The following SLC37A2 variants were observed in gnomAD, a reference collection of about 807,000 sequenced individuals.
The protein encoded by SLC37A2 is solute carrier family 37 member 2.
Under a neutral mutation model 70.7 loss-of-function variants are expected in SLC37A2, and 59 were observed. The observed-to-expected ratio is 0.83, with a 90% CI of 0.68 to 1.04. The LOEUF is 1.04. Among genes scored for constraint, SLC37A2 ranks in the 50% least tolerant of loss-of-function variants. SLC37A2 has a pLI of 0.00. For synonymous variants in SLC37A2, 257 were observed against 262.1 expected, an observed-to-expected ratio of 0.98 and a Z score of 0.19; for missense variants, 580 against 658.1, an observed-to-expected ratio of 0.88 and a Z score of 1.30.
At position 125,076,825 on chromosome 11, in the gene SLC37A2, T is replaced by A; in HGVS notation, c.128T>A (p.Ile43Asn). The A allele has an allele frequency of 6.2e-7, 1 of 1,614,106 alleles. No individual in the cohort carries two copies. Among genetic ancestry groups the A allele is most frequent in the Non-Finnish European group, 8.5e-7 (1 of 1,180,004 alleles). Residue 43 changes from isoleucine (I) to asparagine (N), a missense_variant, in exon 2 of 18, where the codon ATC becomes AAC. By Grantham distance (149) the Ile-to-Asn change is moderately radical (BLOSUM62 -3). Coordinates refer to ENST00000403796, the MANE Select transcript of SLC37A2 (RefSeq NM_001145290.2). ...TGCTATCACATGTCCAGGAAGCCTA[T>A]CAGTATCGTCAAGGTGAGGCTGGCT... ...YACYHMSRKP[I>N]SIVKSRLHQN...
rs778441260 is a variant in SLC37A2, at chr11:125,085,982, T to A, written c.1454T>A (p.Ile485Asn). ...CTTTGCCGGTTAGTATACAAAGAGA[T>A]CTTGGCCTGGAAGGTGTCCCTGAGC... ...LLLCRLVYKE[I>N]LAWKVSLSRG... is the part of the protein sequence containing the mutation. Residue 485 changes from isoleucine to asparagine, a missense_variant, in exon 17 of 18, where the codon ATC (isoleucine) becomes AAC (asparagine). Ile to Asn is a moderately radical substitution (Grantham distance 149). Transcript: ENST00000403796. 1 of 1,614,154 alleles carries A rather than the reference T, an allele frequency of 6.2e-7. No individual in the cohort carries two copies. The highest frequency in any genetic ancestry group is 1.3e-5 in the African/African-American group (1 of 75,040).
chr11:125,072,904 C>A (rs185186638), intron 1 of SLC37A2, among the ~76,000 whole-genome samples: 1 of 152,328 alleles, frequency 6.6e-6, no homozygotes, highest in East Asian at 1.9e-4. Context: ...ATCCCTCCAT[C>A]CCTCTGGAGG....
At chr11:125,082,175 C>G in intron 9 of SLC37A2, 69 bp from the exon 10 acceptor site, 3 of 1,477,250 alleles carry the variant, frequency 2.0e-6, no homozygotes, top group Non-Finnish European at 2.8e-6. Context: ...TGCTGAGCAC[C>G]CCTTGGGGCC....
At chr11:125,085,542 C>A in intron 15 of SLC37A2, 35 bp from the exon 16 acceptor site, 1 of 1,613,290 alleles carries the variant, frequency 6.2e-7, no homozygotes. Context: ...AGGGGAGGTG[C>A]AGGACCCCTG....
chr11:125,081,299 C>G, intron 7 of SLC37A2, 122 bp from the exon 8 acceptor site: 1 of 942,344 alleles, frequency 1.1e-6, no homozygotes, highest in Admixed American at 2.4e-5. Flanking sequence ...ACCTTAGGAG[C>G]TGGAGGCGGG....
At chr11:125,078,732 A>G (rs4477450) in intron 4 of SLC37A2, among the ~76,000 whole-genome samples, 103,443 of 151,846 alleles carry the variant, frequency 0.68, 36,484 homozygotes, top group African/African-American at 0.86. Flanking sequence ...AAAGATGTCC[A>G]GGAGGCACCT....
intron 1 of SLC37A2, among the ~76,000 whole-genome samples, chr11:125,067,322 C>A (rs1011480685): frequency 1.3e-5 from 2 of 152,044 alleles, no homozygotes; most frequent in African/African-American, 2.4e-5. Flanking sequence ...TAATTGAAAT[C>A]GTGACTAGTA....
Position 125,083,733 on chromosome 11 carries a change from G to A in SLC37A2, c.977-82G>A, listed in dbSNP as rs555380947. On this transcript the variant is annotated intron_variant, in intron 10 of 17. Transcript: ENST00000403796. This position sits in a 1 kb window ranked among gnomAD's most constrained non-coding sequence, Gnocchi z 4.6. ...AAAAGGGGGCAGTGGTCTGGATCACGCTCTGCAGGGCTTCTAGCTGTGACA... is the reference window on the plus strand; with the variant it reads ...AAAAGGGGGCAGTGGTCTGGATCACACTCTGCAGGGCTTCTAGCTGTGACA... The A allele has an allele frequency of 3.2e-5, 41 of 1,266,340 alleles. No homozygotes were observed. Among genetic ancestry groups the A allele is most frequent in the African/African-American group, 1.8e-4 (12 of 68,210 alleles). The allele number at this position is 1,266,340 out of a possible 1,614,324, so 78.4% of individuals were successfully genotyped here.
rs796316313 is a variant in SLC37A2 at position 125,084,291 on chromosome 11, G to A, written c.1097G>A (p.Cys366Tyr). ...ACCAATGGCAGGGCCACCACTTGCT[G>A]TGTCATGCTCATCTTGGCTGCCCCC... ...DYTNGRATTC[C>Y]VMLILAAPMM... is the part of the protein sequence containing the mutation. The change falls in exon 12 of 18, where the codon TGT becomes TAT. Residue 366 changes from cysteine to tyrosine, a missense_variant. Transcript: ENST00000403796. 1.9e-6 allele frequency: 3 copies of A among 1,614,266 alleles called. No homozygotes were observed. Among genetic ancestry groups the A allele is most frequent in the Non-Finnish European group, 2.5e-6 (3 of 1,180,054 alleles).
rs746817405 is a variant in SLC37A2, at chr11:125,077,554, C to G, written c.314+26C>G. ...GTAAGGACAGAGGCTGAGCCTATGA[C>G]CAAGAGGAGGATGGTTTAGAGCTGC... On this transcript the variant is annotated intron_variant, in intron 4 of 17. Coordinates refer to ENST00000403796, the MANE Select transcript of SLC37A2 (RefSeq NM_001145290.2). 66 of 1,587,956 alleles carry G rather than the reference C, an allele frequency of 4.2e-5. No individual in the cohort carries two copies. The African/African-American group carries it at 8.4e-4, about 20-fold the overall frequency.
intron 4 of SLC37A2, among the ~76,000 whole-genome samples, chr11:125,078,405 T>C (rs1408383404): frequency 6.6e-6 from 1 of 152,244 alleles, no homozygotes; most frequent in Non-Finnish European, 1.5e-5. Context: ...AGACTGGTCA[T>C]ACAGAGTGAC....
chr11:125,088,590 C>T lies in SLC37A2; in HGVS notation c.*456C>T, dbSNP rs1208471010. ...AAAGGAGCCCAGCCTCTCTTTGTCC[C>T]TCTATCCATGCAACAGTCTTCTCTG... On this transcript the variant is annotated 3_prime_UTR_variant, in exon 18 of 18. Transcript: ENST00000403796. 1 of 149,264 alleles carries T rather than the reference C, an allele frequency of 6.7e-6. No homozygotes were observed. The highest frequency in any genetic ancestry group is 1.5e-5 in the Non-Finnish European group (1 of 67,582). 9.2% of individuals were successfully genotyped at this position (149,264 alleles called of 1,614,324 possible). A position where few individuals can be genotyped will look rare whatever the true frequency, so the allele number is the denominator to read the frequency against.
intron 7 of SLC37A2, 111 bp from the exon 8 acceptor site, chr11:125,081,310 G>A (rs1281582107): frequency 1.8e-6 from 2 of 1,095,606 alleles, no homozygotes; most frequent in Non-Finnish European, 2.6e-6. Flanking sequence ...TGGAGGCGGG[G>A]CTGGTTCCCG....
Position 125,081,426 on chromosome 11 carries a change from G to A in SLC37A2, c.700G>A (p.Glu234Lys), listed in dbSNP as rs1949147800. Reference sequence around the variant, plus strand: ...AAAGCGATTTTTTTTTCTAGACCCAGAAGATGTGGACTGCGCCCCTCCTCA... The same window carrying A: ...AAAGCGATTTTTTTTTCTAGACCCAAAAGATGTGGACTGCGCCCCTCCTCA... ...ITFLFLIEHP[E>K]DVDCAPPQHH... Residue 234 changes from glutamate to lysine, a missense_variant, in exon 8 of 18, where the codon GAA becomes AAA. Coordinates refer to ENST00000403796, the MANE Select transcript of SLC37A2 (RefSeq NM_001145290.2). The A allele has an allele frequency of 1.2e-6, 2 of 1,606,372 alleles. No homozygotes were observed. The highest frequency in any genetic ancestry group is 1.7e-6 in the Non-Finnish European group (2 of 1,176,150).
intron 5 of SLC37A2, among the ~76,000 whole-genome samples, 153 bp downstream of exon 5, chr11:125,079,400 C>T (rs1386862101): frequency 6.6e-6 from 1 of 152,156 alleles, no homozygotes; most frequent in African/African-American, 2.4e-5. Flanking sequence ...GGCCCCACTG[C>T]CCCCGCATTT....
chr11:125,072,975 GA>G lies in SLC37A2; in HGVS notation c.60-3781del, dbSNP rs763403955. Among the ~76,000 whole-genome samples, 3 of 152,228 alleles carry G rather than the reference GA, an allele frequency of 2.0e-5. 1 individual carries two copies. In the East Asian group the frequency reaches 5.8e-4, roughly 29 times the overall value. On this transcript the variant is annotated intron_variant, in intron 1 of 17. Transcript: ENST00000403796. ...CCTAGTGTCACACAACACAGCTGAG[GA>G]CCCCCCACCCGCCACCCTCAAGACT...
chr11:125,071,580 C>T (rs1219837192), intron 1 of SLC37A2, among the ~76,000 whole-genome samples: 3 of 152,246 alleles, frequency 2.0e-5, no homozygotes, highest in Non-Finnish European at 4.4e-5. Context: ...TGGCCAATGG[C>T]TTCTTTCTCT....
chr11:125,077,289 C>G lies in SLC37A2; in HGVS notation c.201C>G (p.Leu67=). ...AACCCATCAATGATACTCACAGTCT[C>G]AATGACACCATGTGGTGCAGCTGGG... is the stretch of plus-strand genomic sequence containing the variant. ...QIKPINDTHS[L]NDTMWCSWAP... is the part of the protein sequence containing the mutation. Residue 67 remains leucine, a synonymous_variant, in exon 3 of 18, where the codon CTC becomes CTG. Coordinates refer to ENST00000403796, the MANE Select transcript of SLC37A2 (RefSeq NM_001145290.2). 6.2e-7 allele frequency: 1 copy of G among 1,608,694 alleles called. No individual in the cohort carries two copies.
chr11:125,079,364 T>A, intron 5 of SLC37A2, 117 bp downstream of exon 5: 1 of 1,324,886 alleles, frequency 7.5e-7, no homozygotes, highest in Non-Finnish European at 1.1e-6. Context: ...GTGCTCTCTA[T>A]TACACTGCAC....
Sources: gnomAD v4.1 joint callset for allele counts (sites outside exome capture counted in the v4.1 genomes callset) on GRCh38, gnomAD v4.1.1 for gene constraint, Gnocchi (gnomAD v3.1) non-coding constraint, MANE v1.5 for transcripts, NCBI Gene and HGNC (gene_info 2026-07-23, HGNC 2026-07-21) for gene names.